Variants in CCDC73 observed in about 807,000 individuals in gnomAD.
CCDC73 encodes coiled-coil domain containing 73.
CCDC73 carries 95 observed loss-of-function variants against 116.5 expected under a neutral mutation model. The observed-to-expected ratio is 0.82, with a 90% CI of 0.69 to 0.97. The LOEUF (loss-of-function observed/expected upper bound fraction) is 0.97. Ranked by LOEUF, CCDC73 falls within the 50% of genes least tolerant of loss-of-function variation. The pLI is 0.00. For synonymous variants in CCDC73, 398 were observed against 401.3 expected, an observed-to-expected ratio of 0.99 and a Z score of 0.10; for missense variants, 1,066 against 1,206.8, an observed-to-expected ratio of 0.88 and a Z score of 1.73.
At chr11:32,629,418 C>CT (rs35714596) in intron 14 of CCDC73, among the ~76,000 whole-genome samples, 75 of 142,496 alleles carry the variant, frequency 5.3e-4, no homozygotes, top group South Asian at 3.5e-3. Context: ...TATAAAGACA[C>CT]TTTTTTTTTT....
rs1027375217 is a variant in CCDC73, at chr11:32,630,406, G to A, written c.1185+5290C>T. On this transcript the variant is annotated intron_variant, in intron 14 of 17. Transcript: ENST00000335185. ...GTTGCCCAGGCTGGAGTGCAGTGGT[G>A]GATCTCAGCTCACTGCAACCTCCAC... Among the ~76,000 whole-genome samples the A allele has an allele frequency of 9.9e-5, 15 of 151,834 alleles. 1 individual carries two copies. The highest frequency in any genetic ancestry group is 3.4e-3 in the Middle Eastern group (1 of 294).
At chr11:32,816,783 C>A in the CCDC73 span, among the ~76,000 whole-genome samples, 1 of 151,696 alleles carries the variant, frequency 6.6e-6, no homozygotes, top group Non-Finnish European at 1.5e-5. Context: ...TTCTTTTTTT[C>A]TTTTCTTTTT....
At chr11:32,712,271 G>A (rs1849907090) in intron 3 of CCDC73, among the ~76,000 whole-genome samples, 1 of 152,104 alleles carries the variant, frequency 6.6e-6, no homozygotes. Flanking sequence ...GGAGGTGGAG[G>A]CCTGGGGTGG....
chr11:32,663,523 T>G (rs999951168), intron 9 of CCDC73, among the ~76,000 whole-genome samples: 4 of 152,232 alleles, frequency 2.6e-5, no homozygotes, highest in African/African-American at 9.6e-5. Context: ...TTTTGCACAT[T>G]GATTTTGTAT....
chr11:32,691,149 A>C (rs1169760273), intron 6 of CCDC73, among the ~76,000 whole-genome samples: 1 of 151,118 alleles, frequency 6.6e-6, no homozygotes, highest in East Asian at 2.0e-4. Flanking sequence ...GCTTCAAGCG[A>C]TTCTCCTGCC....
the CCDC73 span, among the ~76,000 whole-genome samples, chr11:32,809,675 G>A: frequency 6.6e-6 from 1 of 152,182 alleles, no homozygotes; most frequent in African/African-American, 2.4e-5. Flanking sequence ...AAATAGGAAG[G>A]AAGGTGGATG....
chr11:32,745,549 G>C (rs1188378329), intron 2 of CCDC73, among the ~76,000 whole-genome samples: 2 of 152,042 alleles, frequency 1.3e-5, no homozygotes, highest in Non-Finnish European at 2.9e-5. Context: ...CTCTTTGTAG[G>C]TCTCTAAGAA....
In CCDC73 at chr11:32,613,550, C is replaced by T. The variant is rs188950262; in HGVS notation, c.2768G>A (p.Ser923Asn). Residue 923 changes from serine to asparagine, a missense_variant, in exon 16 of 18, where the codon AGT (serine) becomes AAT (asparagine). Transcript: ENST00000335185. ...VNHIESQTAS[S>N]STPCISLLLK... ...CAACAAAGAAATGCAAGGGGTCGAA[C>T]TGCTCGCTGTTTGACTTTCAATGTG... The T allele has an allele frequency of 2.9e-5, 47 of 1,614,108 alleles. No individual in the cohort carries two copies. In the East Asian group the frequency reaches 9.6e-4, roughly 33 times the overall value.
intron 11 of CCDC73, 98 bp from the exon 12 acceptor site, chr11:32,653,325 T>C: frequency 1.5e-6 from 1 of 681,064 alleles, no homozygotes; most frequent in Admixed American, 3.0e-5. Flanking sequence ...TAACTCACTG[T>C]ATTTATAGTT....
chr11:32,643,862 G>A (rs1855754183), intron 12 of CCDC73, among the ~76,000 whole-genome samples: 1 of 151,828 alleles, frequency 6.6e-6, no homozygotes, highest in South Asian at 2.1e-4. Flanking sequence ...AAGCTTAGTT[G>A]ACTTTACAAA....
At chr11:32,668,050 T>C (rs1486919149) in intron 9 of CCDC73, among the ~76,000 whole-genome samples, 1 of 152,160 alleles carries the variant, frequency 6.6e-6, no homozygotes, top group East Asian at 1.9e-4. Context: ...AAAATGGAGA[T>C]AATAAATAAA....
chr11:32,697,143 A>G (rs1471150680), intron 6 of CCDC73, among the ~76,000 whole-genome samples: 1 of 151,898 alleles, frequency 6.6e-6, no homozygotes, highest in Non-Finnish European at 1.5e-5. Context: ...CTTAGGATGT[A>G]TGTTAACATT....
the CCDC73 span, among the ~76,000 whole-genome samples, chr11:32,824,301 G>C: frequency 6.6e-6 from 1 of 152,134 alleles, no homozygotes; most frequent in African/African-American, 2.4e-5. Flanking sequence ...TGTGTTTACA[G>C]ATAAATTCTA....
At chr11:32,672,762 T>G (rs1286519430) in intron 9 of CCDC73, among the ~76,000 whole-genome samples, 1 of 152,172 alleles carries the variant, frequency 6.6e-6, no homozygotes, top group Non-Finnish European at 1.5e-5. Flanking sequence ...AAAAGAAATG[T>G]TTTCTACATA....
In CCDC73 at chr11:32,642,112, A is replaced by C. The variant is rs556555049; in HGVS notation, c.940-30T>G. On this transcript the variant is annotated intron_variant, in intron 12 of 17. Coordinates refer to ENST00000335185, the MANE Select transcript of CCDC73 (RefSeq NM_001008391.4). ...AATAAAATTAATTATCCAAAAAATA[A>C]TCAATACCACATTAATGAATTCTGA... The C allele has an allele frequency of 1.4e-4, 214 of 1,500,852 alleles. 4 individuals carry two copies. The South Asian group carries it at 2.8e-3, about 20-fold the overall frequency. 93.0% of individuals were successfully genotyped at this position (1,500,852 alleles called of 1,614,324 possible).
intron 2 of CCDC73, among the ~76,000 whole-genome samples, chr11:32,737,793 AT>A (rs201924135): frequency 8.7e-5 from 13 of 148,692 alleles, no homozygotes; most frequent in East Asian, 5.8e-4. Flanking sequence ...ATTCAGTCTT[AT>A]TTTTTTTTGT....
At chr11:32,791,639 A>T (rs1850677500) in intron 1 of CCDC73, among the ~76,000 whole-genome samples, 1 of 152,184 alleles carries the variant, frequency 6.6e-6, no homozygotes, top group South Asian at 2.1e-4. Flanking sequence ...GATTGTAAAG[A>T]ATAATTTCCC....
At chr11:32,656,374 CG>C (rs1262086042) in intron 9 of CCDC73, among the ~76,000 whole-genome samples, 4 of 152,112 alleles carry the variant, frequency 2.6e-5, no homozygotes, top group African/African-American at 9.7e-5. Flanking sequence ...CCACCGCGCC[CG>C]GCCAGTTTTT....
chr11:32,762,772 A>C (rs1484880772), intron 1 of CCDC73, among the ~76,000 whole-genome samples: 1 of 152,132 alleles, frequency 6.6e-6, no homozygotes, highest in Non-Finnish European at 1.5e-5. Context: ...GGTGCAGCAC[A>C]CCGAGTGAGA....
Sources: gnomAD v4.1 joint callset for allele counts (sites outside exome capture counted in the v4.1 genomes callset) on GRCh38, gnomAD v4.1.1 for gene constraint, MANE v1.5 for transcripts, NCBI Gene and HGNC (gene_info 2026-07-23, HGNC 2026-07-21) for gene names.